Variants in NEDD9 observed in about 807,000 individuals in gnomAD.
The protein encoded by NEDD9 is enhancer of filamentation 1.
A neutral mutation model predicts 76.6 loss-of-function variants in NEDD9; 26 were observed. The observed-to-expected ratio is 0.34, with a 90% confidence interval of 0.25 to 0.47. The LOEUF (loss-of-function observed/expected upper bound fraction) is 0.47, where lower values mean the gene tolerates loss of function less well. Among genes scored for constraint, NEDD9 ranks in the 20% least tolerant of loss-of-function variants. The pLI, the probability that NEDD9 is intolerant of heterozygous loss-of-function variation, is 1.00. For missense variants in NEDD9, 937 were observed against 1,058.5 expected (o/e 0.89, Z 1.59); for synonymous variants, 392 against 414.2 (o/e 0.95, Z 0.65).
intron 3 of NEDD9, among the ~76,000 whole-genome samples, chr6:11,279,033 C>G (rs1422628688): frequency 6.6e-6 from 1 of 151,998 alleles, no homozygotes; most frequent in Non-Finnish European, 1.5e-5. Context: ...ACATTATACT[C>G]ATTATTCTGA....
At chr6:11,358,629 C>A (rs926519257) in intron 1 of NEDD9, among the ~76,000 whole-genome samples, 30 of 152,120 alleles carry the variant, frequency 2.0e-4, no homozygotes, top group Admixed American at 1.7e-3. Context: ...GTGAACATGG[C>A]GGGTGGTGGT....
At chr6:11,260,595 G>A (rs564803357) in intron 3 of NEDD9, among the ~76,000 whole-genome samples, 55 of 152,286 alleles carry the variant, frequency 3.6e-4, no homozygotes, top group Middle Eastern at 3.4e-3. Context: ...CATCCCACCC[G>A]TTGTCACTCC....
exon 3 of NEDD9, chr6:11,306,085 T>C: frequency 6.6e-7 from 1 of 1,511,330 alleles, no homozygotes; most frequent in Non-Finnish European, 9.2e-7. Context: ...TTCTTCGTTT[T>C]CATAACTCTA....
At chr6:11,264,171 G>A (rs573067933) in intron 3 of NEDD9, among the ~76,000 whole-genome samples, 32 of 152,310 alleles carry the variant, frequency 2.1e-4, no homozygotes, top group Admixed American at 2.0e-3. Flanking sequence ...CTTTGCAACC[G>A]GCTACCTCCC....
chr6:11,348,321 G>T (rs1762401969), intron 1 of NEDD9, among the ~76,000 whole-genome samples: 1 of 152,198 alleles, frequency 6.6e-6, no homozygotes. Flanking sequence ...CTCATAGATA[G>T]AAAGAATCAA....
Position 11,185,485 on chromosome 6 carries a change from C to A in NEDD9, c.2182G>T (p.Ala728Ser). 1 of 1,614,150 alleles carries A rather than the reference C, an allele frequency of 6.2e-7. No homozygotes were observed. The highest frequency in any genetic ancestry group is 8.5e-7 in the Non-Finnish European group (1 of 1,180,012). ...GCTGAGCTGACACAACTGAAGAGTG[C>A]GTCAATGGCGTTGAGAAGGGAAATG... ...HFISLLNAIDALFSCVSSAQP... is the reference protein window; with the variant it reads ...HFISLLNAIDSLFSCVSSAQP... Residue 728 changes from alanine to serine, a missense_variant, in exon 7 of 7, where the codon GCA (alanine) becomes TCA (serine). By Grantham distance (99) the Ala-to-Ser change is moderately conservative (BLOSUM62 1). Transcript: ENST00000379446.
In NEDD9 at chr6:11,241,497, G is replaced by C. The variant is rs1759706506; in HGVS notation, c.13-27770C>G. Reference sequence around the variant, plus strand: ...ATGGATTGTGTGCCCTAGCTTCCTAGATGGGCTGGATTTTCTGTTTCCAAT... The same window carrying C: ...ATGGATTGTGTGCCCTAGCTTCCTACATGGGCTGGATTTTCTGTTTCCAAT... On this transcript the variant is annotated intron_variant, in intron 3 of 3. Coordinates refer to the NEDD9 transcript ENST00000397378. The surrounding 1 kb of genome is among the most constrained non-coding windows in gnomAD (Gnocchi z 4.0). Among the ~76,000 whole-genome samples the C allele has an allele frequency of 6.6e-6, 1 of 152,154 alleles. No homozygotes were observed. The highest frequency in any genetic ancestry group is 1.9e-4 in the East Asian group (1 of 5,200).
chr6:11,316,186 A>G (rs1392429171), intron 2 of NEDD9, among the ~76,000 whole-genome samples: 3 of 152,108 alleles, frequency 2.0e-5, no homozygotes, highest in Non-Finnish European at 4.4e-5. Context: ...TTCGTTATTG[A>G]GTCTCTGATT....
chr6:11,328,509 CA>C (rs1327619599), intron 2 of NEDD9: 5 of 152,210 alleles, frequency 3.3e-5, no homozygotes, highest in African/African-American at 1.2e-4. Flanking sequence ...CTGGGCAACC[CA>C]CCCCAAGCCT....
intron 1 of NEDD9, among the ~76,000 whole-genome samples, chr6:11,354,285 C>A (rs1357078225): frequency 6.6e-6 from 1 of 152,192 alleles, no homozygotes; most frequent in Admixed American, 6.5e-5. Context: ...AACGTGGGGG[C>A]AACCAAAGCA....
chr6:11,319,742 A>G (rs867015896), intron 2 of NEDD9, among the ~76,000 whole-genome samples: 38 of 125,784 alleles, frequency 3.0e-4, no homozygotes, highest in Admixed American at 1.0e-3. Flanking sequence ...TAACATGCAC[A>G]CACACACTAA....
chr6:11,333,238 C>T (rs1438695712), intron 2 of NEDD9, among the ~76,000 whole-genome samples: 1 of 152,092 alleles, frequency 6.6e-6, no homozygotes, highest in Non-Finnish European at 1.5e-5. Context: ...GAACATCTTT[C>T]AGTTCCCAAT....
chr6:11,365,368 A>G (rs1762742156), intron 1 of NEDD9, among the ~76,000 whole-genome samples: 1 of 152,230 alleles, frequency 6.6e-6, no homozygotes, highest in Non-Finnish European at 1.5e-5. Context: ...TGTCCTAGTT[A>G]GAGATAAGTT....
At chr6:11,294,137 T>C (rs1760840067) in intron 3 of NEDD9, among the ~76,000 whole-genome samples, 2 of 152,240 alleles carry the variant, frequency 1.3e-5, no homozygotes, top group Non-Finnish European at 2.9e-5. Flanking sequence ...GTAATGAACA[T>C]GGAGGTGCAT....
chr6:11,350,842 C>T (rs1234165306), intron 1 of NEDD9, among the ~76,000 whole-genome samples: 2 of 152,028 alleles, frequency 1.3e-5, no homozygotes, highest in Non-Finnish European at 2.9e-5. Context: ...CTCGGGGGCT[C>T]ATGTCAGGGA....
intron 2 of NEDD9, among the ~76,000 whole-genome samples, chr6:11,318,571 G>A (rs1761651148): frequency 6.6e-6 from 1 of 152,090 alleles, no homozygotes; most frequent in Admixed American, 6.6e-5. Context: ...AGCTTGGCTT[G>A]TTTTCTTGTT....
chr6:11,324,153 T>G (rs1465982692), intron 2 of NEDD9, among the ~76,000 whole-genome samples: 1 of 152,194 alleles, frequency 6.6e-6, no homozygotes, highest in Non-Finnish European at 1.5e-5. Flanking sequence ...AGTATCTGGC[T>G]TCCGTGATTC....
At chr6:11,316,229 G>C (rs951336813) in intron 2 of NEDD9, among the ~76,000 whole-genome samples, 4 of 152,176 alleles carry the variant, frequency 2.6e-5, no homozygotes, top group Non-Finnish European at 4.4e-5. Flanking sequence ...TTTCCTGAAG[G>C]CTTTGCTTCC....
At chr6:11,317,776 G>A (rs904554813) in intron 2 of NEDD9, among the ~76,000 whole-genome samples, 18 of 152,174 alleles carry the variant, frequency 1.2e-4, no homozygotes, top group Admixed American at 4.6e-4. Flanking sequence ...GAAGGCACAC[G>A]TGATAGTTAA....
Sources: gnomAD v4.1 joint callset for allele counts (sites outside exome capture counted in the v4.1 genomes callset) on GRCh38, gnomAD v4.1.1 for gene constraint, Gnocchi (gnomAD v3.1) non-coding constraint, MANE v1.5 for transcripts, NCBI Gene and HGNC (gene_info 2026-07-23, HGNC 2026-07-21) for gene names.